Variants in KIAA1328 observed in about 807,000 individuals in gnomAD.
The protein encoded by KIAA1328 is KIAA1328, also known as protein hinderin.
In KIAA1328, 52 loss-of-function variants were observed where a neutral mutation model predicts 68.1. That is an observed-to-expected ratio of 0.76 (90% CI 0.61 to 0.96). The LOEUF (loss-of-function observed/expected upper bound fraction) is 0.96, where lower values mean the gene tolerates loss of function less well. Among genes scored for constraint, KIAA1328 ranks in the 40% least tolerant of loss-of-function variants. The pLI, the probability that KIAA1328 is intolerant of heterozygous loss-of-function variation, is 0.00. For missense variants in KIAA1328, 641 were observed against 677.6 expected (o/e 0.95, Z 0.60); for synonymous variants, 232 against 239.4 (o/e 0.97, Z 0.28).
intron 6 of KIAA1328, among the ~76,000 whole-genome samples, chr18:36,961,028 G>A (rs1428468599): frequency 6.6e-6 from 1 of 152,130 alleles, no homozygotes; most frequent in Non-Finnish European, 1.5e-5. Context: ...TGAGCTAAAG[G>A]AGCATGTTCT....
intron 6 of KIAA1328, among the ~76,000 whole-genome samples, chr18:36,979,782 A>T (rs997378535): frequency 6.6e-6 from 1 of 152,182 alleles, no homozygotes; most frequent in Non-Finnish European, 1.5e-5. Flanking sequence ...ACAGATTGGA[A>T]CAATACTTTA....
intron 7 of KIAA1328, among the ~76,000 whole-genome samples, chr18:37,118,189 T>C (rs323336): frequency 0.27 from 40,440 of 151,692 alleles, 8,478 homozygotes; most frequent in African/African-American, 0.59. Flanking sequence ...GAGATGACGT[T>C]TTGCTATGTT....
chr18:37,056,049 G>A (rs912354219), intron 6 of KIAA1328, among the ~76,000 whole-genome samples: 4 of 152,072 alleles, frequency 2.6e-5, no homozygotes, highest in African/African-American at 4.8e-5. Flanking sequence ...GACTGACCAG[G>A]CCTATAAAAA....
At chr18:36,900,929 A>C (rs1332875542) in intron 5 of KIAA1328, among the ~76,000 whole-genome samples, 1 of 152,052 alleles carries the variant, frequency 6.6e-6, no homozygotes, top group Non-Finnish European at 1.5e-5. Context: ...TCTCTATATA[A>C]ATGGGTTTAT....
chr18:36,864,455 C>T (rs1032238665), intron 4 of KIAA1328, among the ~76,000 whole-genome samples: 3 of 151,990 alleles, frequency 2.0e-5, no homozygotes, highest in Non-Finnish European at 4.4e-5. Context: ...GCGCCTGCCA[C>T]CACGCCCGGC....
chr18:37,079,910 TA>T (rs531886002), intron 7 of KIAA1328, among the ~76,000 whole-genome samples: 147 of 149,974 alleles, frequency 9.8e-4, no homozygotes, highest in African/African-American at 3.5e-3. Context: ...AACAGTTCAA[TA>T]AGTCTAATGA....
At chr18:37,122,309 A>C (rs989726616) in intron 7 of KIAA1328, among the ~76,000 whole-genome samples, 5 of 152,208 alleles carry the variant, frequency 3.3e-5, no homozygotes, top group Non-Finnish European at 7.4e-5. Flanking sequence ...AGAGAGTGAG[A>C]ATGGAAGATA....
At chr18:37,104,173 A>G (rs1395344397) in intron 7 of KIAA1328, among the ~76,000 whole-genome samples, 1 of 152,222 alleles carries the variant, frequency 6.6e-6, no homozygotes, top group Non-Finnish European at 1.5e-5. Context: ...TTGGATATTT[A>G]TCCAAAGGAA....
chr18:37,114,788 A>G (rs2058052715), intron 7 of KIAA1328, among the ~76,000 whole-genome samples: 1 of 152,200 alleles, frequency 6.6e-6, no homozygotes, highest in South Asian at 2.1e-4. Flanking sequence ...TAAAGAAGAA[A>G]AGAGAAAGAA....
chr18:36,919,042 G>A (rs944079416), intron 5 of KIAA1328, among the ~76,000 whole-genome samples: 2 of 151,950 alleles, frequency 1.3e-5, no homozygotes, highest in African/African-American at 4.8e-5. Flanking sequence ...CAGCTGTTGG[G>A]GTAGGGCTTT....
At chr18:36,846,412 T>C (rs1033294851) in intron 4 of KIAA1328, among the ~76,000 whole-genome samples, 1 of 151,674 alleles carries the variant, frequency 6.6e-6, no homozygotes, top group Non-Finnish European at 1.5e-5. Context: ...TGTTGCATTT[T>C]ATTTTTTTAT....
chr18:37,094,529 A>G (rs1158342275), intron 7 of KIAA1328, among the ~76,000 whole-genome samples: 1 of 152,202 alleles, frequency 6.6e-6, no homozygotes, highest in East Asian at 1.9e-4. Flanking sequence ...AGTGTCTACC[A>G]TCATGAAAAC....
chr18:37,222,949 C>T lies in KIAA1328; in HGVS notation c.*722C>T, dbSNP rs1045545443. 4.1e-6 allele frequency: 4 copies of T among 985,368 alleles called. No individual in the cohort carries two copies. The African/African-American group carries it at 7.0e-5, about 17-fold the overall frequency. The allele number at this position is 985,368 out of a possible 1,614,324, so 61.0% of individuals were successfully genotyped here. A position where few individuals can be genotyped will look rare whatever the true frequency, so the allele number is the denominator to read the frequency against. ...TCAGTGGAGGCACAAGCCTGAAGCA[C>T]TCTTCTACCAATGTTTGGGTGACCA... On this transcript the variant is annotated 3_prime_UTR_variant, in exon 10 of 10. Transcript: ENST00000280020.
Position 36,959,402 on chromosome 18 carries a change from A to C in KIAA1328, c.543A>C (p.Ser181=). The C allele has an allele frequency of 6.2e-7, 1 of 1,609,818 alleles. No individual in the cohort carries two copies. Among genetic ancestry groups the C allele is most frequent in the Middle Eastern group, 1.7e-4 (1 of 6,038 alleles). ...EQQEKLTMSL[S]ELGAARMQEQ... ...AGGAGAAGCTCACCATGTCTCTCTCAGAACTTGGTGCTGCTAGAATGCAGG... is the reference window on the plus strand; with the variant it reads ...AGGAGAAGCTCACCATGTCTCTCTCCGAACTTGGTGCTGCTAGAATGCAGG... The change falls in exon 6 of 10, where the codon TCA becomes TCC. Residue 181 remains serine (S), a synonymous_variant. Coordinates refer to ENST00000280020, the MANE Select transcript of KIAA1328 (RefSeq NM_020776.3).
rs373260782 is a variant in KIAA1328 at position 36,941,832 on chromosome 18, A to T, written c.449-17476A>T. 5.1e-4 allele frequency among the ~76,000 whole-genome samples: 77 copies of T among 152,314 alleles called. 1 individual carries two copies. The highest frequency in any genetic ancestry group is 5.0e-3 in the Admixed American group (77 of 15,298). On this transcript the variant is annotated intron_variant, in intron 5 of 9. Coordinates refer to ENST00000280020, the MANE Select transcript of KIAA1328 (RefSeq NM_020776.3). ...TTGCATTTCTAAAAATCACCATACC[A>T]TGCAGAATCATTACTAAAGACCCCA... is the stretch of plus-strand genomic sequence containing the variant.
At chr18:36,976,902 C>T (rs932229055) in intron 6 of KIAA1328, among the ~76,000 whole-genome samples, 1 of 152,116 alleles carries the variant, frequency 6.6e-6, no homozygotes, top group Non-Finnish European at 1.5e-5. Context: ...TCTCCCAGGT[C>T]ATATCAATGA....
chr18:37,139,567 A>C (rs2058723019), intron 7 of KIAA1328, among the ~76,000 whole-genome samples: 1 of 152,196 alleles, frequency 6.6e-6, no homozygotes, highest in African/African-American at 2.4e-5. Context: ...TTAGCACATC[A>C]GTAGATCTGT....
intron 5 of KIAA1328, among the ~76,000 whole-genome samples, chr18:36,943,452 T>C (rs759765781): frequency 1.3e-5 from 2 of 152,216 alleles, no homozygotes; most frequent in Non-Finnish European, 2.9e-5. Flanking sequence ...AGGGGCCAGA[T>C]AAAGATAAAC....
At chr18:37,156,178 G>A (rs563156378) in intron 7 of KIAA1328, among the ~76,000 whole-genome samples, 3 of 151,970 alleles carry the variant, frequency 2.0e-5, no homozygotes, top group Non-Finnish European at 2.9e-5. Context: ...AGGCCAAGGC[G>A]GGCAGATCAC....
Sources: gnomAD v4.1 joint callset for allele counts (sites outside exome capture counted in the v4.1 genomes callset) on GRCh38, gnomAD v4.1.1 for gene constraint, MANE v1.5 for transcripts, NCBI Gene and HGNC (gene_info 2026-07-23, HGNC 2026-07-21) for gene names.